Variants in PLCH2 observed in about 807,000 individuals in gnomAD.
PLCH2 encodes the protein 1-phosphatidylinositol 4,5-bisphosphate phosphodiesterase eta-2.
PLCH2 carries 98 observed loss-of-function variants against 134.7 expected under a neutral mutation model. The observed-to-expected ratio is 0.73, with a 90% CI of 0.62 to 0.86. The LOEUF is 0.86. Among genes scored for constraint, PLCH2 ranks in the 40% least tolerant of loss-of-function variants. The pLI is 0.00. For synonymous variants in PLCH2, 974 were observed against 827.5 expected (o/e 1.18, Z -3.04); for missense variants, 1,994 against 1,986.6 (o/e 1.00, Z -0.07).
chr1:2,475,905 C>T (rs183528533), upstream of PLCH2, among the ~76,000 whole-genome samples: 54 of 152,240 alleles, frequency 3.5e-4, 1 homozygote, highest in Admixed American at 3.0e-3. Flanking sequence ...TGCTCTGGGC[C>T]ACCTGCCTCT....
At position 2,497,351 on chromosome 1, in the gene PLCH2, C is replaced by A. The variant is rs571600154; in HGVS notation, c.2117-151C>A. The stretch of plus-strand genomic sequence containing the variant: ...GGCCTCAGTCCTGCACAGGTGTGAA[C>A]CTTGGAGTCCCATTCACATTGGGTG... On this transcript the variant is annotated intron_variant, in intron 15 of 21. Coordinates refer to ENST00000378486, the MANE Select transcript of PLCH2 (RefSeq NM_014638.4). 27 of 649,428 alleles carry A rather than the reference C, an allele frequency of 4.2e-5. No individual in the cohort carries two copies. The South Asian group carries it at 4.6e-4, about 11-fold the overall frequency. The allele number at this position is 649,428 out of a possible 1,614,324, so 40.2% of individuals were successfully genotyped here.
intron 2 of PLCH2, among the ~76,000 whole-genome samples, chr1:2,435,022 G>A (rs1224649965): frequency 6.6e-6 from 1 of 152,228 alleles, no homozygotes; most frequent in Admixed American, 6.5e-5. Context: ...GCCTCAGCAT[G>A]CAGCAGGCCG....
In PLCH2 at chr1:2,498,859, G is replaced by C. The variant is rs1643047972; in HGVS notation, c.2434+31G>C. ...GCTGGGCCGTGGCTCCGTCACACCT[G>C]TGATGGAAGTCTGAGGGGGGAGGGT... On this transcript the variant is annotated intron_variant, in intron 18 of 21. Coordinates refer to ENST00000378486, the MANE Select transcript of PLCH2 (RefSeq NM_014638.4). The surrounding 1 kb of genome is among the most constrained non-coding windows in gnomAD (Gnocchi z 5.4). The C allele has an allele frequency of 1.3e-6, 2 of 1,550,602 alleles. No homozygotes were observed. The highest frequency in any genetic ancestry group is 1.8e-6 in the Non-Finnish European group (2 of 1,129,772).
intron 4 of PLCH2, among the ~76,000 whole-genome samples, chr1:2,481,060 G>A (rs1042661394): frequency 2.0e-5 from 3 of 152,164 alleles, no homozygotes; most frequent in Non-Finnish European, 4.4e-5. Flanking sequence ...ACGCACACAC[G>A]TGCACATACA....
intron 2 of PLCH2, among the ~76,000 whole-genome samples, chr1:2,456,946 G>T (rs71630978): frequency 0.11 from 17,368 of 152,210 alleles, 1,065 homozygotes; most frequent in East Asian, 0.24. Flanking sequence ...GGGGCGATCC[G>T]CACCTCCTCT....
upstream of PLCH2, among the ~76,000 whole-genome samples, chr1:2,462,828 C>T (rs1293952164): frequency 6.6e-6 from 1 of 152,164 alleles, no homozygotes; most frequent in Admixed American, 6.5e-5. Context: ...GACAGGAGGT[C>T]GCTCAGCCCA....
At chr1:2,422,618 T>C (rs537973080), upstream of PLCH2, among the ~76,000 whole-genome samples, 1 of 152,332 alleles carries the variant, frequency 6.6e-6, no homozygotes, top group East Asian at 1.9e-4. Flanking sequence ...CTTTTTGTAT[T>C]GTTACATTAT....
At chr1:2,454,912 C>T (rs527626260) in intron 2 of PLCH2, among the ~76,000 whole-genome samples, 1 of 152,300 alleles carries the variant, frequency 6.6e-6, no homozygotes, top group Non-Finnish European at 1.5e-5. Context: ...TCACTGTCAC[C>T]AGTGGAGTGT....
At chr1:2,481,097 C>T (rs1641947653) in intron 4 of PLCH2, among the ~76,000 whole-genome samples, 1 of 152,240 alleles carries the variant, frequency 6.6e-6, no homozygotes, top group African/African-American at 2.4e-5. Context: ...CACACATGCA[C>T]ACACACACGC....
At chr1:2,477,645 C>T (rs1046717404) in intron 1 of PLCH2, among the ~76,000 whole-genome samples, 1 of 152,162 alleles carries the variant, frequency 6.6e-6, no homozygotes, top group Non-Finnish European at 1.5e-5. Flanking sequence ...GCAGCCCCCT[C>T]TCCTGGGACA....
chr1:2,454,881 C>T (rs1640414068), intron 2 of PLCH2, among the ~76,000 whole-genome samples: 1 of 152,172 alleles, frequency 6.6e-6, no homozygotes, highest in East Asian at 1.9e-4. Context: ...GCTCGCGGCT[C>T]AGGAGCCCCT....
At chr1:2,435,009 C>T (rs1570234726) in intron 2 of PLCH2, among the ~76,000 whole-genome samples, 2 of 152,172 alleles carry the variant, frequency 1.3e-5, no homozygotes, top group South Asian at 2.1e-4. Context: ...CCGTGGCCTG[C>T]GAGCCTCAGC....
intron 11 of PLCH2, 52 bp from the exon 12 acceptor site, chr1:2,494,804 T>G (rs1642786212): frequency 7.6e-7 from 1 of 1,321,028 alleles, no homozygotes; most frequent in Non-Finnish European, 1.1e-6. Flanking sequence ...CCGGCCTCCC[T>G]GCCTGGTTCA....
In PLCH2 at chr1:2,439,752, T is replaced by TG. The variant is rs1639602067; in HGVS notation, c.115+9127dup. ...CCTCGGGGGAGAGTCCCGGGGTCCG[T>TG]GGGGAGAGCCCGTCAGAGTCCAGCT... On this transcript the variant is annotated intron_variant, in intron 2 of 3. Coordinates refer to the PLCH2 transcript ENST00000609981. This position sits in a 1 kb window ranked among gnomAD's most constrained non-coding sequence, Gnocchi z 4.7. Among the ~76,000 whole-genome samples the TG allele has an allele frequency of 6.6e-6, 1 of 152,130 alleles. No individual in the cohort carries two copies. Among genetic ancestry groups the TG allele is most frequent in the African/African-American group, 2.4e-5 (1 of 41,500 alleles).
chr1:2,455,836 C>T (rs949722607), intron 2 of PLCH2, among the ~76,000 whole-genome samples: 14 of 152,322 alleles, frequency 9.2e-5, no homozygotes, highest in Middle Eastern at 3.4e-3. Flanking sequence ...GGCCGTGCCC[C>T]GGTCTTCACC....
chr1:2,471,657 T>G (rs1641329117), upstream of PLCH2, among the ~76,000 whole-genome samples: 2 of 152,276 alleles, frequency 1.3e-5, no homozygotes, highest in Non-Finnish European at 1.5e-5. Flanking sequence ...CTCCCCCTGC[T>G]CTGGGGCCGG....
rs368487058 is a variant in PLCH2, at chr1:2,458,913, C to T, written c.116-19563C>T. ...CCGTGCGCTGTGATGTGTGCTTGGC[C>T]GTCTCTGCAAACGGGGGCCCGAGGG... is the stretch of plus-strand genomic sequence containing the variant. On this transcript the variant is annotated intron_variant, in intron 2 of 3. Coordinates refer to the PLCH2 transcript ENST00000609981. Among the ~76,000 whole-genome samples, 11 of 152,388 alleles carry T rather than the reference C, an allele frequency of 7.2e-5. No homozygotes were observed. In the East Asian group the frequency reaches 1.5e-3, roughly 21 times the overall value.
intron 16 of PLCH2, 86 bp downstream of exon 16, chr1:2,497,695 CAG>C: frequency 1.0e-6 from 1 of 959,660 alleles, no homozygotes; most frequent in Non-Finnish European, 1.6e-6. Context: ...CGGAGCCCCA[CAG>C]GCTAGCAAGG....
rs751576339 is a variant in PLCH2, at chr1:2,495,552, C to G, written c.1817C>G (p.Pro606Arg). ...GAGGGAGATGAGGGTCAGGACTCCC[C>G]GGGAGGCCAGAGCCGAGGGTAGGTG... ...VEEGDEGQDS[P>R]GGQSRGATRQ... The change falls in exon 13 of 22, where the codon CCG (proline) becomes CGG (arginine). Residue 606 changes from proline to arginine, a missense_variant. By Grantham distance (103) the Pro-to-Arg change is moderately radical. This residue lies in a region of PLCH2 where 1,094 missense variants were observed against 1,234.3 expected (regional missense o/e 0.89). Transcript: ENST00000378486. 5 of 1,549,378 alleles carry G rather than the reference C, an allele frequency of 3.2e-6. No homozygotes were observed. Among genetic ancestry groups the G allele is most frequent in the Non-Finnish European group, 4.4e-6 (5 of 1,146,070 alleles).
Sources: gnomAD v4.1 joint callset for allele counts (sites outside exome capture counted in the v4.1 genomes callset) on GRCh38, gnomAD v4.1.1 for gene constraint, gnomAD v4.1.1 regional missense constraint, Gnocchi (gnomAD v3.1) non-coding constraint, MANE v1.5 for transcripts, NCBI Gene and HGNC (gene_info 2026-07-23, HGNC 2026-07-21) for gene names.